Variants in EYS observed in about 807,000 individuals in gnomAD.
EYS encodes the protein EGF-like photoreceptor maintenance factor.
A neutral mutation model predicts 282.1 loss-of-function variants in EYS; 250 were observed. That is an observed-to-expected ratio of 0.89 (90% CI 0.80 to 0.98). The LOEUF (loss-of-function observed/expected upper bound fraction) is 0.98, where lower values mean the gene tolerates loss of function less well. Ranked by LOEUF, EYS falls within the 50% of genes least tolerant of loss-of-function variation. EYS has a pLI of 0.00. For synonymous variants in EYS, 1,355 were observed against 1,282.9 expected, an observed-to-expected ratio of 1.06 and a Z score of -1.20; for missense variants, 4,016 against 3,709.0, an observed-to-expected ratio of 1.08 and a Z score of -2.15.
intron 5 of EYS, among the ~76,000 whole-genome samples, chr6:65,462,646 T>G (rs1034325364): frequency 2.0e-5 from 3 of 152,056 alleles, no homozygotes; most frequent in Non-Finnish European, 4.4e-5. Flanking sequence ...CCATTATTAT[T>G]TTCACTGTGT....
intron 7 of EYS, among the ~76,000 whole-genome samples, chr6:65,386,920 G>T (rs1191228322): frequency 1.3e-5 from 2 of 151,692 alleles, no homozygotes; most frequent in Non-Finnish European, 2.9e-5. Context: ...AAATATTTAA[G>T]GTGTCATTTT....
At chr6:65,438,931 T>C (rs966741140) in intron 5 of EYS, among the ~76,000 whole-genome samples, 1 of 152,178 alleles carries the variant, frequency 6.6e-6, no homozygotes, top group African/African-American at 2.4e-5. Context: ...TCCTTGTCCA[T>C]GCCTATGTCC....
intron 12 of EYS, among the ~76,000 whole-genome samples, chr6:65,197,594 G>A (rs1465457914): frequency 6.6e-6 from 1 of 152,116 alleles, no homozygotes; most frequent in Non-Finnish European, 1.5e-5. Context: ...AAGGGGGTAT[G>A]TTCTGAGAAG....
intron 42 of EYS, among the ~76,000 whole-genome samples, chr6:63,722,394 AG>A (rs1229869900): frequency 6.6e-6 from 1 of 152,166 alleles, no homozygotes; most frequent in African/African-American, 2.4e-5. Flanking sequence ...AGAGCTGGTC[AG>A]GAATTTTTTT....
chr6:64,507,114 T>C (rs1228942389), intron 26 of EYS, among the ~76,000 whole-genome samples: 3 of 151,702 alleles, frequency 2.0e-5, no homozygotes, highest in African/African-American at 7.3e-5. Flanking sequence ...CTGACAACCA[T>C]CATCTTGTTA....
At chr6:64,249,152 G>A (rs1215070756) in intron 30 of EYS, among the ~76,000 whole-genome samples, 1 of 150,306 alleles carries the variant, frequency 6.7e-6, no homozygotes, top group East Asian at 1.9e-4. Flanking sequence ...TCAACATAAA[G>A]GTCCATTAAT....
intron 14 of EYS, among the ~76,000 whole-genome samples, chr6:64,950,798 CATATATATATATATATAT>C (rs1171736217): frequency 1.8e-5 from 1 of 54,232 alleles, no homozygotes; most frequent in African/African-American, 7.3e-5. Flanking sequence ...TATACATATA[CATATATATATATATATAT>C]ATATATATAT....
intron 26 of EYS, among the ~76,000 whole-genome samples, chr6:64,454,436 A>G (rs567868413): frequency 1.3e-5 from 2 of 152,184 alleles, no homozygotes; most frequent in African/African-American, 2.4e-5. Flanking sequence ...ATAAAAAGTC[A>G]TTAGAAATTA....
At chr6:65,443,171 TATGTGCACATCATATAC>T (rs1768448297) in intron 5 of EYS, among the ~76,000 whole-genome samples, 1 of 151,652 alleles carries the variant, frequency 6.6e-6, no homozygotes, top group Non-Finnish European at 1.5e-5. Context: ...TATGAGCACA[TATGTGCACATCATATAC>T]ATATGTGCGC....
At position 65,097,291 on chromosome 6, in the gene EYS, T is replaced by A. The variant is rs563467902; in HGVS notation, c.2024-39564A>T. On this transcript the variant is annotated intron_variant, in intron 12 of 42. Coordinates refer to ENST00000503581, the MANE Select transcript of EYS (RefSeq NM_001142800.2). ...AGGGAAATGGAAATCAAAACCACTA[T>A]GAGTAATTAATCGACAGCTGTTAGG... Among the ~76,000 whole-genome samples, 103 of 151,024 alleles carry A rather than the reference T, an allele frequency of 6.8e-4. 1 individual carries two copies. Among genetic ancestry groups the A allele is most frequent in the African/African-American group, 2.4e-3 (99 of 41,424 alleles).
chr6:64,272,172 T>A (rs1409198282), intron 30 of EYS, among the ~76,000 whole-genome samples: 2 of 152,218 alleles, frequency 1.3e-5, no homozygotes, highest in Admixed American at 1.3e-4. Flanking sequence ...ACGTGTGTCT[T>A]TGCACATGAG....
chr6:64,851,704 C>A (rs1331476974), intron 19 of EYS, among the ~76,000 whole-genome samples: 1 of 151,976 alleles, frequency 6.6e-6, no homozygotes, highest in South Asian at 2.1e-4. Context: ...GAAACAGAAA[C>A]CAAATATTGC....
At chr6:65,633,032 T>C (rs1359297753) in intron 2 of EYS, among the ~76,000 whole-genome samples, 1 of 152,170 alleles carries the variant, frequency 6.6e-6, no homozygotes, top group African/African-American at 2.4e-5. Flanking sequence ...AATAGTATTT[T>C]TAATAGTAAA....
At chr6:64,857,932 C>G (rs1010370641) in intron 19 of EYS, among the ~76,000 whole-genome samples, 1 of 152,018 alleles carries the variant, frequency 6.6e-6, no homozygotes, top group South Asian at 2.1e-4. Context: ...TTTTATTTCC[C>G]ATTTTTAAAT....
At chr6:65,565,666 C>G (rs1176834186) in intron 2 of EYS, among the ~76,000 whole-genome samples, 1 of 152,092 alleles carries the variant, frequency 6.6e-6, no homozygotes, top group African/African-American at 2.4e-5. Flanking sequence ...TATTGTGGCA[C>G]TGTTCACAAT....
chr6:64,935,658 G>T (rs1372147224), intron 15 of EYS, among the ~76,000 whole-genome samples: 3 of 151,528 alleles, frequency 2.0e-5, no homozygotes, highest in South Asian at 2.1e-4. Context: ...AACAAAAAAG[G>T]ATTCAAAGAG....
chr6:64,174,261 G>T (rs1223137717), intron 31 of EYS, among the ~76,000 whole-genome samples: 1 of 152,018 alleles, frequency 6.6e-6, no homozygotes, highest in Non-Finnish European at 1.5e-5. Flanking sequence ...TAAAGATGTA[G>T]GTGAATTTCT....
At chr6:64,176,405 T>A (rs900121907) in intron 31 of EYS, among the ~76,000 whole-genome samples, 19 of 152,062 alleles carry the variant, frequency 1.2e-4, no homozygotes, top group African/African-American at 4.6e-4. Flanking sequence ...TTTCGAATAG[T>A]TTTATGATTC....
At chr6:64,232,996 T>G (rs1239350830) in intron 30 of EYS, among the ~76,000 whole-genome samples, 1 of 152,196 alleles carries the variant, frequency 6.6e-6, no homozygotes, top group Non-Finnish European at 1.5e-5. Flanking sequence ...TAATTTTTAG[T>G]TTTAATGTTT....
Sources: gnomAD v4.1 joint callset for allele counts (sites outside exome capture counted in the v4.1 genomes callset) on GRCh38, gnomAD v4.1.1 for gene constraint, MANE v1.5 for transcripts, NCBI Gene and HGNC (gene_info 2026-07-23, HGNC 2026-07-21) for gene names.